Variants in BECN1 observed in about 807,000 individuals in gnomAD.
The protein encoded by BECN1 is beclin 1, also known as beclin-1.
Under a neutral mutation model 60.1 loss-of-function variants are expected in BECN1, and 15 were observed. The ratio of observed to expected loss-of-function variants is 0.25; its 90% CI spans 0.17 to 0.38. The LOEUF is 0.38. Among genes scored for constraint, BECN1 ranks in the 10% least tolerant of loss-of-function variants. The pLI, the probability that BECN1 is intolerant of heterozygous loss-of-function variation, is 1.00. For missense variants in BECN1, 424 were observed against 548.2 expected, an observed-to-expected ratio of 0.77 and a Z score of 2.26; for synonymous variants, 179 against 201.8, an observed-to-expected ratio of 0.89 and a Z score of 0.96.
chr17:42,821,036 T>A (rs1369843967), intron 2 of BECN1, among the ~76,000 whole-genome samples, 195 bp from the exon 3 acceptor site: 1 of 152,162 alleles, frequency 6.6e-6, no homozygotes, highest in Non-Finnish European at 1.5e-5. Context: ...TTCAATTTTT[T>A]AAGGCATAAT....
intron 11 of BECN1, 135 bp downstream of exon 11, chr17:42,811,520 C>T (rs1393631559): frequency 8.7e-7 from 1 of 1,146,516 alleles, no homozygotes; most frequent in African/African-American, 1.6e-5. Context: ...AGTCTCTGCC[C>T]ATCAATGTCA....
rs373733682 is a variant in BECN1, at chr17:42,818,304, G to A, written c.600C>T (p.Asp200=). 1.1e-5 allele frequency: 17 copies of A among 1,613,984 alleles called. No individual in the cohort carries two copies. Among genetic ancestry groups the A allele is most frequent in the South Asian group, 3.3e-5 (3 of 91,080 alleles). The change falls in exon 7 of 12, where the codon GAC becomes GAT. Residue 200 remains aspartate (D), a synonymous_variant. Transcript: ENST00000590099. ...CCACTATCTTGCGGTTCTTTTCCAC[G>A]TCTTCCAGCTCCTGGATCAGCCTCT... ...EEERLIQELE[D]VEKNRKIVAE... is the part of the protein sequence containing the mutation.
intron 7 of BECN1, 78 bp from the exon 8 acceptor site, chr17:42,816,132 T>C (rs1208727621): frequency 7.2e-7 from 1 of 1,394,690 alleles, no homozygotes; most frequent in Non-Finnish European, 9.7e-7. Context: ...TATGAACGAT[T>C]CTTTAGTGAT....
chr17:42,817,383 T>C (rs2055169857), intron 7 of BECN1, among the ~76,000 whole-genome samples: 2 of 152,146 alleles, frequency 1.3e-5, no homozygotes, highest in African/African-American at 4.8e-5. Context: ...ACACTTACTG[T>C]CCTTTAAATA....
intron 8 of BECN1, 137 bp downstream of exon 8, chr17:42,815,771 C>T (rs779822647): frequency 8.9e-7 from 1 of 1,125,180 alleles, no homozygotes; most frequent in Admixed American, 1.9e-5. Flanking sequence ...CCTATCCCAT[C>T]ACTATGAATG....
chr17:42,820,730 T>A (rs2144199271), intron 3 of BECN1, 44 bp downstream of exon 3: 1 of 1,508,424 alleles, frequency 6.6e-7, no homozygotes, highest in East Asian at 2.4e-5. Context: ...TCATTTGGAA[T>A]GTTTACTACA....
At chr17:42,820,196 C>T (rs956795643) in intron 3 of BECN1, among the ~76,000 whole-genome samples, 6 of 152,180 alleles carry the variant, frequency 3.9e-5, no homozygotes, top group African/African-American at 7.2e-5. Flanking sequence ...TGACTGGCAG[C>T]TGTGGGTAAA....
Position 42,810,809 on chromosome 17 carries a change from T to G in BECN1, c.1304A>C (p.Asn435Thr), listed in dbSNP as rs1405551165. 1 of 1,613,636 alleles carries G rather than the reference T, an allele frequency of 6.2e-7. No individual in the cohort carries two copies. Residue 435 changes from asparagine (N) to threonine (T), a missense_variant, in exon 12 of 12, where the codon AAT becomes ACT. Asn to Thr is a moderately conservative substitution (Grantham distance 65, BLOSUM62 0). This residue lies in a region of BECN1 where 326 missense variants were observed against 406.2 expected (regional missense o/e 0.80). Transcript: ENST00000590099. Reference protein sequence around the residue: ...WTKALKFMLTNLKWGLAWVSS... With the variant: ...WTKALKFMLTTLKWGLAWVSS... ...CACCCAAGCAAGACCCCACTTAAGA[T>G]TCGTCAGCATGAACTTGAGAGCTTT...
intron 3 of BECN1, 143 bp from the exon 4 acceptor site, chr17:42,819,752 C>T (rs9910698): frequency 0.056 from 43,514 of 776,376 alleles, 1,563 homozygotes; most frequent in Admixed American, 0.12. Context: ...TGGGTATTAT[C>T]GAAGCAATCC....
intron 4 of BECN1, 43 bp from the exon 5 acceptor site, chr17:42,818,920 G>A: frequency 6.2e-7 from 1 of 1,603,432 alleles, no homozygotes; most frequent in Non-Finnish European, 8.5e-7. Flanking sequence ...AGGGAACAGA[G>A]AGGCTTCCTC....
At chr17:42,821,344 G>A (rs573301592) in intron 2 of BECN1, among the ~76,000 whole-genome samples, 7 of 152,264 alleles carry the variant, frequency 4.6e-5, no homozygotes, top group Admixed American at 2.6e-4. Context: ...CTGAGTCACC[G>A]CGCCCGGCCG....
intron 9 of BECN1, chr17:42,814,283 A>G (rs1460136786): frequency 1.0e-5 from 6 of 588,940 alleles, no homozygotes; most frequent in Non-Finnish European, 1.7e-5. Flanking sequence ...CCTGAGGAAC[A>G]CTAAGGCTCT....
At chr17:42,817,295 TA>T (rs575401350) in intron 7 of BECN1, among the ~76,000 whole-genome samples, 3,420 of 130,778 alleles carry the variant, frequency 0.026, 111 homozygotes, top group African/African-American at 0.085. Context: ...ACTCTGTTTC[TA>T]AAAAAAAAAA....
intron 10 of BECN1, among the ~76,000 whole-genome samples, chr17:42,813,263 G>T (rs60809083): frequency 6.6e-6 from 1 of 151,836 alleles, no homozygotes; most frequent in African/African-American, 2.4e-5. Context: ...GGCCAGGCAC[G>T]GTGGCTCATG....
intron 9 of BECN1, 91 bp from the exon 10 acceptor site, chr17:42,814,099 T>G (rs2055095551): frequency 2.3e-6 from 2 of 870,774 alleles, no homozygotes; most frequent in Non-Finnish European, 3.6e-6. Context: ...CTCTTCATTC[T>G]GGCCAAGGGC....
At chr17:42,813,022 T>G (rs28850374) in intron 10 of BECN1, among the ~76,000 whole-genome samples, 1 of 147,596 alleles carries the variant, frequency 6.8e-6, no homozygotes, top group Non-Finnish European at 1.5e-5. Flanking sequence ...TTTTTTGTAT[T>G]TTTAGTAGAG....
chr17:42,816,638 A>T (rs2144177280), intron 7 of BECN1, among the ~76,000 whole-genome samples: 1 of 140,868 alleles, frequency 7.1e-6, no homozygotes, highest in South Asian at 2.3e-4. Context: ...AACAGAGCCG[A>T]GACTCTGTCT....
At chr17:42,823,716 T>C (rs750769469) in intron 2 of BECN1, 32 bp downstream of exon 2, 43 of 1,607,620 alleles carry the variant, frequency 2.7e-5, no homozygotes, top group Non-Finnish European at 3.5e-5. Flanking sequence ...TTCCACATTC[T>C]TGACCACCCT....
chr17:42,814,880 C>A, intron 8 of BECN1: 2 of 610,888 alleles, frequency 3.3e-6, no homozygotes, highest in Non-Finnish European at 5.6e-6. Context: ...TGGGTGGTAT[C>A]CTTGAATGCT....
Sources: allele counts gnomAD v4.1 joint callset (sites outside exome capture counted in the v4.1 genomes callset), GRCh38; gene constraint gnomAD v4.1.1; regional missense constraint gnomAD v4.1.1; transcripts MANE v1.5; gene names NCBI Gene and HGNC (gene_info 2026-07-23, HGNC 2026-07-21).